Variants in INSL4 observed in about 807,000 individuals in gnomAD.
INSL4 encodes insulin like 4.
Under a neutral mutation model 6.5 loss-of-function variants are expected in INSL4, and 7 were observed. That is an observed-to-expected ratio of 1.08 (90% confidence interval 0.61 to 2.02). The LOEUF (loss-of-function observed/expected upper bound fraction) is 2.02, where lower values mean the gene tolerates loss of function less well. Ranked by LOEUF, INSL4 falls within the 30% of genes most tolerant of loss-of-function variation. The pLI, the probability that INSL4 is intolerant of heterozygous loss-of-function variation, is 0.00. For missense variants in INSL4, 226 were observed against 163.2 expected, an observed-to-expected ratio of 1.38 and a Z score of -2.09; for synonymous variants, 82 against 65.8, an observed-to-expected ratio of 1.25 and a Z score of -1.19.
chr9:5,233,985 T>G lies in INSL4; in HGVS notation c.*108T>G. 1.3e-6 allele frequency: 1 copy of G among 746,420 alleles called. No homozygotes were observed. The highest frequency in any genetic ancestry group is 1.7e-5 in the South Asian group (1 of 57,964). The allele number at this position is 746,420 out of a possible 1,614,324, so 46.2% of individuals were successfully genotyped here. A position where few individuals can be genotyped will look rare whatever the true frequency, so the allele number is the denominator to read the frequency against. ...GCTGTTTATTAGAACATGAGAATCA[T>G]TATTAGTATTCACATGTTTCACTTG... is the stretch of plus-strand genomic sequence containing the variant. On this transcript the variant is annotated 3_prime_UTR_variant, in exon 2 of 2. Transcript: ENST00000239316.
At position 5,231,539 on chromosome 9, in the gene INSL4, C is replaced by T. The variant is rs142741438; in HGVS notation, c.16C>T (p.Arg6Trp). The part of the protein sequence containing the change: MASLF[R>W]SYLPAIWLLL... Reference sequence around the variant, plus strand: ...CAGGTCCAGGATGGCCAGCCTGTTCCGGTCCTATCTGCCAGCAATCTGGCT... The same window carrying T: ...CAGGTCCAGGATGGCCAGCCTGTTCTGGTCCTATCTGCCAGCAATCTGGCT... The change falls in exon 1 of 2, where the codon CGG (arginine) becomes TGG (tryptophan). Residue 6 changes from arginine (R) to tryptophan (W), a missense_variant. Physicochemically the swap from Arg to Trp is moderately radical, Grantham distance 101. Transcript: ENST00000239316. 1.4e-3 allele frequency: 2,219 copies of T among 1,613,006 alleles called. 13 individuals carry two copies. The highest frequency in any genetic ancestry group is 6.3e-3 in the Middle Eastern group (35 of 5,546).
chr9:5,233,852 G>A lies in INSL4; in HGVS notation c.395G>A (p.Gly132Glu), dbSNP rs1341022546. The change falls in exon 2 of 2, where the codon GGA becomes GAA. Residue 132 changes from glycine to glutamate, a missense_variant. By Grantham distance (98) the Gly-to-Glu change is moderately conservative (BLOSUM62 -2). Transcript: ENST00000239316. ...TGTTGTGAAGTAATTTGTGACGATG[G>A]AACTTCAGTTAAATTATGTACATAG... The part of the protein sequence containing the change: ...PFCCEVICDD[G>E]TSVKLCT 8 of 1,612,446 alleles carry A rather than the reference G, an allele frequency of 5.0e-6. No homozygotes were observed. Among genetic ancestry groups the A allele is most frequent in the African/African-American group, 1.3e-5 (1 of 74,986 alleles).
chr9:5,234,194 A>G lies in INSL4; in HGVS notation c.*317A>G. The G allele has an allele frequency of 6.8e-6, 2 of 293,270 alleles. No homozygotes were observed. The highest frequency in any genetic ancestry group is 4.9e-5 in the Admixed American group (1 of 20,608). The allele number at this position is 293,270 out of a possible 1,614,324, so 18.2% of individuals were successfully genotyped here. On this transcript the variant is annotated 3_prime_UTR_variant, in exon 2 of 2. Transcript: ENST00000239316. ...GAATGTTAGTTTGGATGCATATCCCAATTACCCTGATTTGATCATTACACA... is the reference window on the plus strand; with the variant it reads ...GAATGTTAGTTTGGATGCATATCCCGATTACCCTGATTTGATCATTACACA...
At position 5,233,966 on chromosome 9, in the gene INSL4, T is replaced by A. The variant is rs1405488875; in HGVS notation, c.*89T>A. Reference sequence around the variant, plus strand: ...GATGCCCAATTAAATGATTGCTGTTTATTAGAACATGAGAATCATTATTAG... The same window carrying A: ...GATGCCCAATTAAATGATTGCTGTTAATTAGAACATGAGAATCATTATTAG... On this transcript the variant is annotated 3_prime_UTR_variant, in exon 2 of 2. Transcript: ENST00000239316. The A allele has an allele frequency of 1.2e-6, 1 of 832,988 alleles. No individual in the cohort carries two copies. Among genetic ancestry groups the A allele is most frequent in the Non-Finnish European group, 2.0e-6 (1 of 503,664 alleles). 51.6% of individuals were successfully genotyped at this position (832,988 alleles called of 1,614,324 possible). A position where few individuals can be genotyped will look rare whatever the true frequency, so the allele number is the denominator to read the frequency against.
intron 1 of INSL4, among the ~76,000 whole-genome samples, 175 bp from the exon 2 acceptor site, chr9:5,233,479 C>T (rs996078873): frequency 6.6e-5 from 10 of 152,012 alleles, no homozygotes; most frequent in Non-Finnish European, 1.3e-4. Context: ...CTTAAAGTGC[C>T]CTACTCTAAG....
chr9:5,233,371 G>C (rs1449898258), intron 1 of INSL4, among the ~76,000 whole-genome samples: 1 of 152,112 alleles, frequency 6.6e-6, no homozygotes, highest in East Asian at 1.9e-4. Flanking sequence ...GTGTCAGGGA[G>C]AGTCAAAAGT....
intron 1 of INSL4, 72 bp downstream of exon 1, chr9:5,231,791 T>C: frequency 1.5e-6 from 2 of 1,306,640 alleles, no homozygotes; most frequent in Non-Finnish European, 2.2e-6. Flanking sequence ...ATTGACTGCC[T>C]GTAGTCAACT....
chr9:5,231,481 A>C lies in INSL4; in HGVS notation c.-43A>C. Reference sequence around the variant, plus strand: ...GTAGGCTACAGCAGCAAGTCTCTAAAGAAAGGCTGAGAACACCCAGAACAG... The same window carrying C: ...GTAGGCTACAGCAGCAAGTCTCTAACGAAAGGCTGAGAACACCCAGAACAG... On this transcript the variant is annotated 5_prime_UTR_variant, in exon 1 of 2. Transcript: ENST00000239316. 1 of 1,582,736 alleles carries C rather than the reference A, an allele frequency of 6.3e-7. No individual in the cohort carries two copies. The highest frequency in any genetic ancestry group is 8.6e-7 in the Non-Finnish European group (1 of 1,162,866).
intron 1 of INSL4, among the ~76,000 whole-genome samples, chr9:5,232,171 A>AT (rs1345191818): frequency 1.3e-5 from 2 of 152,074 alleles, no homozygotes; most frequent in Non-Finnish European, 2.9e-5. Flanking sequence ...TGATGAGCTG[A>AT]TTATCATTTC....
Position 5,233,691 on chromosome 9 carries a change from C to T in INSL4, c.234C>T (p.Ala78=). The change falls in exon 2 of 2, where the codon GCC becomes GCT. Residue 78 remains alanine (A), a synonymous_variant. Transcript: ENST00000239316. ...CCTCCAACAACAAAGATGGACAAGC[C>T]TTAGGTACGACATCAGAATTCATTC... ...VSTSNNKDGQ[A]LGTTSEFIPN... is the part of the protein sequence containing the mutation. 1 of 1,613,578 alleles carries T rather than the reference C, an allele frequency of 6.2e-7. No homozygotes were observed.
intron 1 of INSL4, among the ~76,000 whole-genome samples, chr9:5,232,409 G>C (rs3780383): frequency 0.21 from 31,675 of 152,074 alleles, 4,182 homozygotes; most frequent in South Asian, 0.3. Flanking sequence ...TGTGTTGAGA[G>C]AGATGAGATG....
chr9:5,233,385 A>G (rs1826176449), intron 1 of INSL4, among the ~76,000 whole-genome samples: 1 of 152,140 alleles, frequency 6.6e-6, no homozygotes, highest in Non-Finnish European at 1.5e-5. Flanking sequence ...CAAAAGTGGT[A>G]TGGTATAGGC....
intron 1 of INSL4, 130 bp downstream of exon 1, chr9:5,231,849 A>G: frequency 1.3e-6 from 1 of 765,662 alleles, no homozygotes; most frequent in Middle Eastern, 3.7e-4. Flanking sequence ...TTTTCATTGT[A>G]ATGTGCTTTT....
At position 5,231,494 on chromosome 9, in the gene INSL4, A is replaced by T; in HGVS notation, c.-30A>T. On this transcript the variant is annotated 5_prime_UTR_variant, in exon 1 of 2. Transcript: ENST00000239316. The stretch of plus-strand genomic sequence containing the variant: ...GCAAGTCTCTAAAGAAAGGCTGAGA[A>T]CACCCAGAACAGGAGAGTTCAGGTC... 1 of 1,598,614 alleles carries T rather than the reference A, an allele frequency of 6.3e-7. No individual in the cohort carries two copies. The highest frequency in any genetic ancestry group is 1.3e-5 in the African/African-American group (1 of 74,676).
rs202016402 is a variant in INSL4 at position 5,233,750 on chromosome 9, C to T, written c.293C>T (p.Ser98Phe). ...NLSPELKKPL[S>F]EGQPSLKKII... ...TCACCAGAGCTGAAGAAACCACTGT[C>T]TGAAGGGCAGCCATCATTGAAGAAA... Residue 98 changes from serine (S) to phenylalanine (F), a missense_variant, in exon 2 of 2, where the codon TCT (serine) becomes TTT (phenylalanine). Coordinates refer to ENST00000239316, the MANE Select transcript of INSL4 (RefSeq NM_002195.2). 1 of 1,613,572 alleles carries T rather than the reference C, an allele frequency of 6.2e-7. No homozygotes were observed. Among genetic ancestry groups the T allele is most frequent in the Non-Finnish European group, 8.5e-7 (1 of 1,179,706 alleles).
chr9:5,233,447 C>T (rs1263084745), intron 1 of INSL4, among the ~76,000 whole-genome samples: 6 of 152,078 alleles, frequency 3.9e-5, no homozygotes, highest in Non-Finnish European at 8.8e-5. Context: ...GAGGAGTTAG[C>T]ATATCCTTAA....
At chr9:5,233,254 G>C (rs1419565113) in intron 1 of INSL4, among the ~76,000 whole-genome samples, 2 of 152,064 alleles carry the variant, frequency 1.3e-5, no homozygotes, top group Non-Finnish European at 2.9e-5. Flanking sequence ...GATTTATGTG[G>C]ATCAGATTTG....
At chr9:5,231,815 G>C in intron 1 of INSL4, 96 bp downstream of exon 1, 1 of 1,054,626 alleles carries the variant, frequency 9.5e-7, no homozygotes, top group South Asian at 1.6e-5. Context: ...ACTCTACTGT[G>C]GCTAGTGCCT....
In INSL4 at chr9:5,233,293, T is replaced by C. The variant is rs3780385; in HGVS notation, c.197-361T>C. Among the ~76,000 whole-genome samples, 45 of 152,180 alleles carry C rather than the reference T, an allele frequency of 3.0e-4. 1 individual carries two copies. In the East Asian group the frequency reaches 8.3e-3, roughly 28 times the overall value. On this transcript the variant is annotated intron_variant, in intron 1 of 1. Coordinates refer to ENST00000239316, the MANE Select transcript of INSL4 (RefSeq NM_002195.2). Reference sequence around the variant, plus strand: ...ATCTGAATCTTTCTATTAGAATAACTTGTGATTATAAAAAAAATTCCCTAT... The same window carrying C: ...ATCTGAATCTTTCTATTAGAATAACCTGTGATTATAAAAAAAATTCCCTAT...
Sources: gnomAD v4.1 joint callset for allele counts (sites outside exome capture counted in the v4.1 genomes callset) on GRCh38, gnomAD v4.1.1 for gene constraint, MANE v1.5 for transcripts, NCBI Gene and HGNC (gene_info 2026-07-23, HGNC 2026-07-21) for gene names.